The following PDE4A variants were observed in gnomAD, a reference collection of about 807,000 sequenced individuals.
PDE4A encodes 3',5'-cyclic-AMP phosphodiesterase 4A.
PDE4A carries 21 observed loss-of-function variants against 73.9 expected under a neutral mutation model. The ratio of observed to expected loss-of-function variants is 0.28; its 90% CI spans 0.20 to 0.41. The LOEUF is 0.41. Ranked by LOEUF, PDE4A falls within the 10% of genes least tolerant of loss-of-function variation. The pLI is 1.00. For missense variants in PDE4A, 958 were observed against 1,211.4 expected, an observed-to-expected ratio of 0.79 and a Z score of 3.10; for synonymous variants, 463 against 505.4, an observed-to-expected ratio of 0.92 and a Z score of 1.13.
Position 10,453,809 on chromosome 19 carries a change from TTG to T in PDE4A, c.784-1011_784-1010del, listed in dbSNP as rs2043130900. ...GCTGTGTAGGACTGAGAGCCTGTGATTGTGTGTGTGGTTGTGTGAGATTTTGT... is the reference window on the plus strand; with the variant it reads ...GCTGTGTAGGACTGAGAGCCTGTGATTGTGTGTGGTTGTGTGAGATTTTGT... On this transcript the variant is annotated intron_variant, in intron 6 of 14. Transcript: ENST00000380702. The surrounding 1 kb of genome is among the most constrained non-coding windows in gnomAD (Gnocchi z 4.6). Among the ~76,000 whole-genome samples the T allele has an allele frequency of 6.6e-6, 1 of 151,850 alleles. No individual in the cohort carries two copies. Among genetic ancestry groups the T allele is most frequent in the Non-Finnish European group, 1.5e-5 (1 of 67,938 alleles).
At chr19:10,420,442 A>G (rs1599393494), upstream of PDE4A, 1 of 597,038 alleles carries the variant, frequency 1.7e-6, no homozygotes, top group Non-Finnish European at 2.1e-6. The surrounding 1 kb of genome is among the most constrained non-coding windows in gnomAD (Gnocchi z 6.0). Flanking sequence ...CGGCGCTGAC[A>G]GCCGCGGCGG....
intron 12 of PDE4A, 78 bp downstream of exon 12, chr19:10,461,758 C>T: frequency 6.3e-7 from 1 of 1,580,206 alleles, no homozygotes; most frequent in Non-Finnish European, 8.6e-7. Context: ...GGGTCTGAGT[C>T]CCAGAGGAAC....
Position 10,453,740 on chromosome 19 carries a change from C to T in PDE4A, c.784-1089C>T, listed in dbSNP as rs942344300. 3.3e-5 allele frequency among the ~76,000 whole-genome samples: 5 copies of T among 152,172 alleles called. No individual in the cohort carries two copies. The highest frequency in any genetic ancestry group is 1.2e-4 in the African/African-American group (5 of 41,506). On this transcript the variant is annotated intron_variant, in intron 6 of 14. Transcript: ENST00000380702. This position sits in a 1 kb window ranked among gnomAD's most constrained non-coding sequence, Gnocchi z 4.6. Reference sequence around the variant, plus strand: ...TGTGACCCCAAATGTCAGTGACCGCCTTATTTTGCATGCCCTTTGATCTGT... The same window carrying T: ...TGTGACCCCAAATGTCAGTGACCGCTTTATTTTGCATGCCCTTTGATCTGT...
chr19:10,422,444 G>A (rs1048289820), intron 1 of PDE4A, among the ~76,000 whole-genome samples: 1 of 152,110 alleles, frequency 6.6e-6, no homozygotes, highest in Non-Finnish European at 1.5e-5. Context: ...CTCCTCTGAT[G>A]GTGCTCCAGG....
At chr19:10,416,833 A>C, upstream of PDE4A, 1 of 1,531,380 alleles carries the variant, frequency 6.5e-7, no homozygotes, top group Non-Finnish European at 8.7e-7. Context: ...CCCGACCGGC[A>C]GGGGGAGCCC....
intron 1 of PDE4A, among the ~76,000 whole-genome samples, chr19:10,437,160 A>G (rs984005612): frequency 6.6e-6 from 1 of 152,034 alleles, no homozygotes; most frequent in South Asian, 2.1e-4. Context: ...TTTTGAGACT[A>G]TCCCCTAGGC....
In PDE4A at chr19:10,469,569, A is replaced by G. The variant is rs201658178; in HGVS notation, c.*1948A>G. 6.6e-6 allele frequency: 1 copy of G among 152,380 alleles called. No individual in the cohort carries two copies. Among genetic ancestry groups the G allele is most frequent in the Non-Finnish European group, 1.5e-5 (1 of 68,054 alleles). The allele number at this position is 152,380 out of a possible 1,614,324, so 9.4% of individuals were successfully genotyped here. A position where few individuals can be genotyped will look rare whatever the true frequency, so the allele number is the denominator to read the frequency against. ...GTATTGTCCACTTTGACGATCAGTC[A>G]TTCGGTCCGTTGATCAATAATCCTT... On this transcript the variant is annotated 3_prime_UTR_variant, in exon 15 of 15. Coordinates refer to ENST00000380702, the MANE Select transcript of PDE4A (RefSeq NM_001111307.2).
chr19:10,446,369 C>A lies in PDE4A; in HGVS notation c.472C>A (p.Pro158Thr). The change falls in exon 2 of 15, where the codon CCC (proline) becomes ACC (threonine). Residue 158 changes from proline to threonine, a missense_variant. Pro to Thr is a conservative substitution (Grantham distance 38). This residue lies in a region of PDE4A where 570 missense variants were observed against 827.7 expected (regional missense o/e 0.69). Transcript: ENST00000380702. The stretch of plus-strand genomic sequence containing the variant: ...CTCAGACAGCGACTATGACATGTCA[C>A]CCAAGACCATGTCCCGGAACTCATC... ...YRSDSDYDMS[P>T]KTMSRNSSVT... 3 of 1,613,732 alleles carry A rather than the reference C, an allele frequency of 1.9e-6. No homozygotes were observed. The highest frequency in any genetic ancestry group is 2.5e-6 in the Non-Finnish European group (3 of 1,179,650).
Position 10,467,171 on chromosome 19 carries a change from G to T in PDE4A, c.2211G>T (p.Gln737His). The T allele has an allele frequency of 1.9e-6, 3 of 1,614,206 alleles. No homozygotes were observed. The highest frequency in any genetic ancestry group is 2.5e-6 in the Non-Finnish European group (3 of 1,180,022). The change falls in exon 15 of 15, where the codon CAG (glutamine) becomes CAT (histidine). Residue 737 changes from glutamine (Q) to histidine (H), a missense_variant. Gln to His is a conservative substitution (Grantham distance 24). Around this residue, in one of 3 missense-constraint regions of PDE4A, gnomAD observed 243 missense variants for 245.9 expected, o/e 0.99. Coordinates refer to ENST00000380702, the MANE Select transcript of PDE4A (RefSeq NM_001111307.2). ...CAGCCCAAGAGGCATTGACTGCGCAGGGATTGTCAGGAGTCGAGGAAGCTC... is the reference window on the plus strand; with the variant it reads ...CAGCCCAAGAGGCATTGACTGCGCATGGATTGTCAGGAGTCGAGGAAGCTC... ...PCTAQEALTA[Q>H]GLSGVEEALD...
chr19:10,461,954 C>T lies in PDE4A; in HGVS notation c.1698C>T (p.Thr566=), dbSNP rs964528790. ...CCATGGTGGAGACCAAGAAAGTGAC[C>T]AGCTCAGGGGTCCTCCTGCTAGATA... ...LKTMVETKKV[T]SSGVLLLDNY... is the part of the protein sequence containing the mutation. Residue 566 remains threonine, a synonymous_variant, in exon 13 of 15, where the codon ACC becomes ACT. Transcript: ENST00000380702. 5 of 1,613,940 alleles carry T rather than the reference C, an allele frequency of 3.1e-6. No individual in the cohort carries two copies. The African/African-American group carries it at 6.7e-5, about 22-fold the overall frequency.
intron 1 of PDE4A, among the ~76,000 whole-genome samples, chr19:10,425,555 T>C (rs1047623009): frequency 6.6e-5 from 10 of 152,306 alleles, no homozygotes; most frequent in East Asian, 3.9e-4. Context: ...CCATATTTCA[T>C]TGGTAACAGA....
intron 1 of PDE4A, among the ~76,000 whole-genome samples, chr19:10,423,458 G>A (rs2042676801): frequency 6.6e-6 from 1 of 152,140 alleles, no homozygotes; most frequent in Admixed American, 6.6e-5. Flanking sequence ...ACTGCACCCA[G>A]CTAAACCTTT....
At chr19:10,433,190 T>G (rs1188470383) in intron 1 of PDE4A, among the ~76,000 whole-genome samples, 1 of 151,798 alleles carries the variant, frequency 6.6e-6, no homozygotes, top group Non-Finnish European at 1.5e-5. Flanking sequence ...CACAGGGCAA[T>G]CCGGGTCACC....
At chr19:10,457,786 C>A in intron 7 of PDE4A, 93 bp from the exon 8 acceptor site, 2 of 1,547,270 alleles carry the variant, frequency 1.3e-6, no homozygotes, top group South Asian at 1.2e-5. Flanking sequence ...TTCGGGTGAG[C>A]CTTCCCCGTA....
upstream of PDE4A, chr19:10,417,720 C>A: frequency 6.3e-7 from 1 of 1,592,622 alleles, no homozygotes. Flanking sequence ...CCTGCGTCGC[C>A]CTCGCCGCCG....
intron 1 of PDE4A, among the ~76,000 whole-genome samples, chr19:10,432,275 G>C (rs979689030): frequency 1.3e-5 from 2 of 151,614 alleles, no homozygotes; most frequent in African/African-American, 4.8e-5. Flanking sequence ...GCAGACCCGG[G>C]AACGCTCGAC....
chr19:10,418,852 C>T, upstream of PDE4A: 1 of 984,212 alleles, frequency 1.0e-6, no homozygotes. Flanking sequence ...CTGGGGAGAA[C>T]TCACAGCCCC....
intron 2 of PDE4A, among the ~76,000 whole-genome samples, chr19:10,448,653 C>T (rs1184755558): frequency 1.3e-5 from 2 of 151,304 alleles, no homozygotes; most frequent in Non-Finnish European, 1.5e-5. Context: ...AAAAAACACC[C>T]AACCATATTC....
In PDE4A at chr19:10,467,467, T is replaced by G. The variant is rs1291204046; in HGVS notation, c.2507T>G (p.Leu836Arg). 6.2e-7 allele frequency: 1 copy of G among 1,612,946 alleles called. No individual in the cohort carries two copies. The highest frequency in any genetic ancestry group is 1.1e-5 in the South Asian group (1 of 91,058). ...TLSVSEHAPG[L>R]PGLPSTAAEV... ...TCTGTTTCAGAGCATGCCCCGGGCCTCCCGGGCCTCCCCTCCACGGCGGCC... is the reference window on the plus strand; with the variant it reads ...TCTGTTTCAGAGCATGCCCCGGGCCGCCCGGGCCTCCCCTCCACGGCGGCC... The change falls in exon 15 of 15, where the codon CTC becomes CGC. Residue 836 changes from leucine to arginine, a missense_variant. Leu to Arg is a moderately radical substitution (Grantham distance 102). This residue lies in a region of PDE4A where 243 missense variants were observed against 245.9 expected (regional missense o/e 0.99). Transcript: ENST00000380702.
Sources: gnomAD v4.1 joint callset for allele counts (sites outside exome capture counted in the v4.1 genomes callset) on GRCh38, gnomAD v4.1.1 for gene constraint, gnomAD v4.1.1 regional missense constraint, Gnocchi (gnomAD v3.1) non-coding constraint, MANE v1.5 for transcripts, NCBI Gene and HGNC (gene_info 2026-07-23, HGNC 2026-07-21) for gene names.